The following C13orf46 variants were observed in gnomAD, a reference collection of about 807,000 sequenced individuals.
C13orf46 encodes the protein chromosome 13 open reading frame 46, also known as uncharacterized protein C13orf46.
At chr13:113,965,250 G>A (rs1264898730) in intron 5 of C13orf46, among the ~76,000 whole-genome samples, 3 of 152,198 alleles carry the variant, frequency 2.0e-5, no homozygotes, top group African/African-American at 7.2e-5. Flanking sequence ...GGCCCTCCTT[G>A]AGTCCTTAGA....
rs1218246771 is a variant in C13orf46, at chr13:113,966,252, GTGA to G, written c.504+1086_504+1088del. ...GATGGGGATAGCGATAGTGGTGATG[GTGA>G]TGATGATGGTGACAGTGATGGTGGT... On this transcript the variant is annotated intron_variant, in intron 5 of 6. Transcript: ENST00000636427. 4.9e-3 allele frequency among the ~76,000 whole-genome samples: 736 copies of G among 149,554 alleles called. 6 individuals carry two copies. Among genetic ancestry groups the G allele is most frequent in the East Asian group, 0.02 (97 of 4,838 alleles).
the C13orf46 span, among the ~76,000 whole-genome samples, chr13:113,946,770 G>A: frequency 2.0e-5 from 3 of 152,258 alleles, no homozygotes; most frequent in Admixed American, 6.5e-5. Context: ...AGAGGGGTCC[G>A]AAGCCTGGTC....
chr13:113,961,592 C>T lies in C13orf46; in HGVS notation c.572+3335G>A, dbSNP rs916968103. 7.9e-5 allele frequency among the ~76,000 whole-genome samples: 12 copies of T among 151,960 alleles called. 1 individual carries two copies. The highest frequency in any genetic ancestry group is 5.9e-5 in the Non-Finnish European group (4 of 68,006). The stretch of plus-strand genomic sequence containing the variant: ...TCTCTAAAAACATTTATAATCAGCT[C>T]TAGTCCAAAACTGCTTTTTGTGGAA... On this transcript the variant is annotated intron_variant, in intron 6 of 6. Transcript: ENST00000636427.
At chr13:113,945,462 G>C in the C13orf46 span, among the ~76,000 whole-genome samples, 1 of 151,614 alleles carries the variant, frequency 6.6e-6, no homozygotes, top group African/African-American at 2.4e-5. Flanking sequence ...GGAGAATGGC[G>C]TGAACCCTGG....
intron 6 of C13orf46, among the ~76,000 whole-genome samples, chr13:113,963,484 C>CCT (rs1289849479): frequency 7.0e-6 from 1 of 142,592 alleles, no homozygotes; most frequent in Admixed American, 7.0e-5. Flanking sequence ...AGCCTCAGCC[C>CCT]GTCCTCAGCC....
At chr13:113,934,908 T>C in the C13orf46 span, among the ~76,000 whole-genome samples, 2 of 152,226 alleles carry the variant, frequency 1.3e-5, no homozygotes, top group Admixed American at 6.5e-5. Flanking sequence ...AAACGGGCTC[T>C]GGGAAGGGGC....
chr13:113,936,937 A>AG, the C13orf46 span, among the ~76,000 whole-genome samples: 1 of 152,148 alleles, frequency 6.6e-6, no homozygotes, highest in Non-Finnish European at 1.5e-5. Flanking sequence ...TCCAGAATAA[A>AG]GGGGGGTAAT....
chr13:113,970,227 G>A lies in C13orf46; in HGVS notation c.191-5C>T, dbSNP rs2052689635. ...CTTTCCCTTGATCTTCGGACTCTGG[G>A]GAGGAAGGACAGAGCCGTCAGCACC... On this transcript the variant is annotated splice_region_variant and splice_polypyrimidine_tract_variant and intron_variant, in intron 1 of 6. Coordinates refer to ENST00000636427, the MANE Select transcript of C13orf46 (RefSeq NM_001365455.2). 1 of 152,198 alleles carries A rather than the reference G, an allele frequency of 6.6e-6. No homozygotes were observed. The highest frequency in any genetic ancestry group is 1.5e-5 in the Non-Finnish European group (1 of 68,122). The allele number at this position is 152,198 out of a possible 1,614,324, so 9.4% of individuals were successfully genotyped here. A position where few individuals can be genotyped will look rare whatever the true frequency, so the allele number is the denominator to read the frequency against.
intron 1 of C13orf46, among the ~76,000 whole-genome samples, chr13:113,972,697 C>G (rs1006616444): frequency 1.3e-5 from 2 of 152,224 alleles, no homozygotes; most frequent in Non-Finnish European, 2.9e-5. Context: ...GGTTTAGAAG[C>G]CAACCGTGTC....
downstream of C13orf46, among the ~76,000 whole-genome samples, chr13:113,953,521 A>C (rs919157291): frequency 3.3e-5 from 5 of 152,064 alleles, no homozygotes; most frequent in Admixed American, 6.6e-5. Context: ...TGAGGAAATG[A>C]GCTCAGAGCC....
the C13orf46 span, among the ~76,000 whole-genome samples, chr13:113,943,096 G>A: frequency 3.3e-5 from 5 of 152,194 alleles, no homozygotes; most frequent in Non-Finnish European, 5.9e-5. Context: ...GGAGAGCTCG[G>A]GGAGAGCTCC....
At chr13:113,940,211 G>C in the C13orf46 span, among the ~76,000 whole-genome samples, 1 of 152,232 alleles carries the variant, frequency 6.6e-6, no homozygotes, top group African/African-American at 2.4e-5. Flanking sequence ...GTGCAGCAGG[G>C]GCCTGGGCCG....
the C13orf46 span, among the ~76,000 whole-genome samples, chr13:113,945,577 G>GAAAGAAAGAAAGAAAGAA: frequency 3.1e-5 from 4 of 127,424 alleles, no homozygotes; most frequent in African/African-American, 1.2e-4. Context: ...AAGAAAGAAA[G>GAAAGAAAGAAAGAAAGAA]AGAGAGAGAG....
chr13:113,973,360 C>T (rs1401117787), intron 1 of C13orf46, among the ~76,000 whole-genome samples: 1 of 152,158 alleles, frequency 6.6e-6, no homozygotes, highest in African/African-American at 2.4e-5. Flanking sequence ...ACAAGTGTGT[C>T]CGACAGCTCC....
chr13:113,931,975 G>T, the C13orf46 span, among the ~76,000 whole-genome samples: 15 of 152,066 alleles, frequency 9.9e-5, 1 homozygote, highest in African/African-American at 3.1e-4. Context: ...CTCCTCTGAT[G>T]ACACTGACCT....
chr13:113,948,482 C>A, the C13orf46 span, among the ~76,000 whole-genome samples: 1 of 152,226 alleles, frequency 6.6e-6, no homozygotes, highest in Non-Finnish European at 1.5e-5. Flanking sequence ...TGTGAGCACA[C>A]CGAAGCCCAC....
At chr13:113,928,238 T>C in the C13orf46 span, 4 of 152,252 alleles carry the variant, frequency 2.6e-5, no homozygotes, top group Non-Finnish European at 4.4e-5. Flanking sequence ...GGGGGCGCAT[T>C]CCGGACCTGT....
At chr13:113,965,910 G>A (rs1178555638) in intron 5 of C13orf46, among the ~76,000 whole-genome samples, 1 of 133,978 alleles carries the variant, frequency 7.5e-6, no homozygotes, top group Admixed American at 7.3e-5. Flanking sequence ...TGATGGCGAT[G>A]GTGATGGTGA....
chr13:113,966,875 C>T (rs1201467285), intron 5 of C13orf46, among the ~76,000 whole-genome samples: 2 of 151,934 alleles, frequency 1.3e-5, no homozygotes, highest in African/African-American at 4.8e-5. Flanking sequence ...CCCAGACAAC[C>T]CTGGAATGCG....
Sources: gnomAD v4.1 joint callset for allele counts (sites outside exome capture counted in the v4.1 genomes callset) on GRCh38, gnomAD v4.1.1 for gene constraint, MANE v1.5 for transcripts, NCBI Gene and HGNC (gene_info 2026-07-23, HGNC 2026-07-21) for gene names.